The following RNLS variants were observed in gnomAD, a reference collection of about 807,000 sequenced individuals.
RNLS encodes renalase.
Under a neutral mutation model 39.8 loss-of-function variants are expected in RNLS, and 39 were observed. That is an observed-to-expected ratio of 0.98 (90% confidence interval 0.76 to 1.28). The LOEUF (loss-of-function observed/expected upper bound fraction) is 1.28. RNLS is among the 50% of genes most tolerant of loss of function. The pLI, the probability that RNLS is intolerant of heterozygous loss-of-function variation, is 0.00. For synonymous variants in RNLS, 147 were observed against 150.7 expected (o/e 0.98, Z 0.18); for missense variants, 410 against 413.3 (o/e 0.99, Z 0.07).
chr10:88,418,391 A>T (rs1368426185), intron 4 of RNLS, among the ~76,000 whole-genome samples: 1 of 152,198 alleles, frequency 6.6e-6, no homozygotes, highest in East Asian at 1.9e-4. Context: ...GGCTCTGCTC[A>T]CTATAATACA....
At chr10:88,351,381 T>C (rs1848695688) in intron 5 of RNLS, among the ~76,000 whole-genome samples, 1 of 152,232 alleles carries the variant, frequency 6.6e-6, no homozygotes, top group Admixed American at 6.5e-5. Context: ...TTTAAGTCTT[T>C]AATCCATCTT....
chr10:88,377,262 A>G (rs554199352), intron 4 of RNLS, among the ~76,000 whole-genome samples: 119 of 152,140 alleles, frequency 7.8e-4, no homozygotes, highest in African/African-American at 2.7e-3. Flanking sequence ...ACACACACGC[A>G]CACATCCTTA....
intron 4 of RNLS, among the ~76,000 whole-genome samples, chr10:88,438,127 A>C (rs1191697358): frequency 6.6e-6 from 1 of 151,200 alleles, no homozygotes; most frequent in Non-Finnish European, 1.5e-5. Flanking sequence ...ACTCCTAAAA[A>C]AAAAAAAAAA....
At chr10:88,477,647 T>C (rs936489581) in intron 4 of RNLS, among the ~76,000 whole-genome samples, 2 of 152,178 alleles carry the variant, frequency 1.3e-5, no homozygotes, top group Non-Finnish European at 2.9e-5. Flanking sequence ...ATGTGACAGA[T>C]AACACTGATC....
At chr10:88,269,215 T>C (rs1240880975), downstream of RNLS, among the ~76,000 whole-genome samples, 1 of 152,170 alleles carries the variant, frequency 6.6e-6, no homozygotes, top group East Asian at 1.9e-4. Context: ...AACCATGAGA[T>C]TGAATAAAAT....
chr10:88,455,836 A>G (rs1223298576), intron 4 of RNLS, among the ~76,000 whole-genome samples: 1 of 152,168 alleles, frequency 6.6e-6, no homozygotes, highest in African/African-American at 2.4e-5. Context: ...CACAAAACAA[A>G]ACAAAACAAA....
At chr10:88,409,097 G>A (rs1387971831) in intron 4 of RNLS, among the ~76,000 whole-genome samples, 1 of 152,100 alleles carries the variant, frequency 6.6e-6, no homozygotes, top group Non-Finnish European at 1.5e-5. Context: ...TGATGTAGAT[G>A]AGAACAGGTA....
At chr10:88,452,849 C>T (rs371746395) in intron 4 of RNLS, among the ~76,000 whole-genome samples, 3 of 152,242 alleles carry the variant, frequency 2.0e-5, no homozygotes, top group South Asian at 2.1e-4. Flanking sequence ...TCAAGTAATT[C>T]GGTGTCTCTT....
chr10:88,366,022 C>A (rs116903086), intron 4 of RNLS, among the ~76,000 whole-genome samples: 1 of 152,018 alleles, frequency 6.6e-6, no homozygotes, highest in Non-Finnish European at 1.5e-5. Context: ...CTTTTCTAGA[C>A]GTGAAGGCTG....
chr10:88,324,031 G>C lies in RNLS; in HGVS notation c.701-9390C>G, dbSNP rs1373380847. Among the ~76,000 whole-genome samples the C allele has an allele frequency of 2.6e-5, 4 of 152,210 alleles. No homozygotes were observed. In the East Asian group the frequency reaches 7.7e-4, roughly 29 times the overall value. ...GAAATGCAAATCAAAATCGCAATGAGTTACCATCTCACACCAGTCAGCATG... is the reference window on the plus strand; with the variant it reads ...GAAATGCAAATCAAAATCGCAATGACTTACCATCTCACACCAGTCAGCATG... On this transcript the variant is annotated intron_variant, in intron 5 of 6. Coordinates refer to ENST00000331772, the MANE Select transcript of RNLS (RefSeq NM_001031709.3).
At chr10:88,268,914 GGT>G (rs1842575113), downstream of RNLS, among the ~76,000 whole-genome samples, 1 of 152,190 alleles carries the variant, frequency 6.6e-6, no homozygotes, top group South Asian at 2.1e-4. Context: ...CAGGCTTAGG[GGT>G]TCTGACCACT....
chr10:88,441,556 G>A (rs180722660), intron 4 of RNLS, among the ~76,000 whole-genome samples: 1 of 152,302 alleles, frequency 6.6e-6, no homozygotes, highest in Admixed American at 6.5e-5. Context: ...TGGGATGCCT[G>A]TTGCTTCATG....
At chr10:88,216,870 C>A in the RNLS span, among the ~76,000 whole-genome samples, 1,555 of 152,300 alleles carry the variant, frequency 0.01, 15 homozygotes, top group African/African-American at 0.028. Context: ...ATGCTGCAGT[C>A]CCTGGGTACC....
At chr10:88,187,387 A>G in the RNLS span, among the ~76,000 whole-genome samples, 7 of 151,810 alleles carry the variant, frequency 4.6e-5, no homozygotes, top group African/African-American at 1.5e-4. Context: ...AACTTCTCCT[A>G]GCCTATATTT....
intron 5 of RNLS, among the ~76,000 whole-genome samples, chr10:88,328,437 T>C (rs1846807658): frequency 6.6e-6 from 1 of 152,208 alleles, no homozygotes. Context: ...TGTGAACCTC[T>C]TTACAACTAG....
At chr10:88,437,993 G>C (rs531159116) in intron 4 of RNLS, among the ~76,000 whole-genome samples, 1 of 152,136 alleles carries the variant, frequency 6.6e-6, no homozygotes, top group African/African-American at 2.4e-5. Context: ...GGGCGTGGTA[G>C]CACATGCCTG....
chr10:88,229,523 A>G, the RNLS span, among the ~76,000 whole-genome samples: 15 of 152,370 alleles, frequency 9.8e-5, 1 homozygote, highest in African/African-American at 3.4e-4. Context: ...GATACAGTTT[A>G]CATATTATGT....
chr10:88,245,713 T>C, the RNLS span, among the ~76,000 whole-genome samples: 1 of 152,154 alleles, frequency 6.6e-6, no homozygotes, highest in Non-Finnish European at 1.5e-5. Flanking sequence ...TCTAATTTAG[T>C]GAGAGGGACT....
chr10:88,553,469 C>T (rs1420780441), intron 4 of RNLS, among the ~76,000 whole-genome samples: 1 of 152,122 alleles, frequency 6.6e-6, no homozygotes, highest in Non-Finnish European at 1.5e-5. Context: ...CTTAACTTCT[C>T]AAAACCACCA....
Sources: allele counts gnomAD v4.1 joint callset (sites outside exome capture counted in the v4.1 genomes callset), GRCh38; gene constraint gnomAD v4.1.1; transcripts MANE v1.5; gene names NCBI Gene and HGNC (gene_info 2026-07-23, HGNC 2026-07-21).